The following CDH12 variants were observed in gnomAD, a reference collection of about 807,000 sequenced individuals.
CDH12 encodes the protein cadherin 12.
Under a neutral mutation model 74.1 loss-of-function variants are expected in CDH12, and 41 were observed. That is an observed-to-expected ratio of 0.55 (90% CI 0.43 to 0.72). The LOEUF is 0.72. Among genes scored for constraint, CDH12 ranks in the 30% least tolerant of loss-of-function variants. The pLI, the probability that CDH12 is intolerant of heterozygous loss-of-function variation, is 0.00. For synonymous variants in CDH12, 399 were observed against 355.0 expected (o/e 1.12, Z -1.39); for missense variants, 945 against 977.2 (o/e 0.97, Z 0.44).
chr5:21,799,198 AT>A (rs1746973882), intron 10 of CDH12, among the ~76,000 whole-genome samples: 1 of 152,172 alleles, frequency 6.6e-6, no homozygotes, highest in Non-Finnish European at 1.5e-5. Context: ...AGTTAGGTGG[AT>A]GGTGTTCATG....
intron 2 of CDH12, among the ~76,000 whole-genome samples, chr5:22,438,542 A>G (rs1196151335): frequency 6.6e-6 from 1 of 152,052 alleles, no homozygotes; most frequent in Admixed American, 6.6e-5. Flanking sequence ...ATATGGTACC[A>G]TTTGGCACAT....
At chr5:22,050,402 C>T (rs1740277167) in intron 5 of CDH12, among the ~76,000 whole-genome samples, 1 of 152,112 alleles carries the variant, frequency 6.6e-6, no homozygotes, top group South Asian at 2.1e-4. Context: ...TGACTGTGAG[C>T]TTCTTATCGT....
At chr5:22,437,647 A>G (rs1413913786) in intron 2 of CDH12, among the ~76,000 whole-genome samples, 1 of 151,862 alleles carries the variant, frequency 6.6e-6, no homozygotes, top group Non-Finnish European at 1.5e-5. Flanking sequence ...TATAAACATA[A>G]TGTGGGGCTT....
intron 1 of CDH12, among the ~76,000 whole-genome samples, chr5:22,577,652 A>G (rs920634342): frequency 5.3e-5 from 8 of 152,202 alleles, no homozygotes; most frequent in South Asian, 4.1e-4. Flanking sequence ...ATGAGATTGT[A>G]TCTTCAATTT....
intron 5 of CDH12, among the ~76,000 whole-genome samples, chr5:22,040,134 CAT>C (rs1217187141): frequency 3.3e-5 from 5 of 151,630 alleles, no homozygotes. Flanking sequence ...AAGAACTAAA[CAT>C]AAATCTTGAA....
chr5:22,412,003 G>A (rs1368735357), intron 2 of CDH12, among the ~76,000 whole-genome samples: 39 of 151,936 alleles, frequency 2.6e-4, no homozygotes, highest in Admixed American at 2.6e-3. Flanking sequence ...AAGTTAATGT[G>A]CAATGTGCTT....
chr5:22,585,738 A>G (rs1740363492), intron 1 of CDH12, among the ~76,000 whole-genome samples: 1 of 151,814 alleles, frequency 6.6e-6, no homozygotes, highest in South Asian at 2.1e-4. Context: ...TTAAAGTTTA[A>G]TTTTGTTATT....
intron 5 of CDH12, among the ~76,000 whole-genome samples, chr5:21,990,569 A>G (rs1012741195): frequency 2.0e-5 from 3 of 152,010 alleles, no homozygotes; most frequent in Non-Finnish European, 2.9e-5. Context: ...TAAGCCCAGT[A>G]TAGCAATATT....
intron 3 of CDH12, among the ~76,000 whole-genome samples, chr5:22,368,655 T>A (rs906299172): frequency 6.6e-6 from 1 of 152,192 alleles, no homozygotes. Context: ...TTAACATATA[T>A]CTATAGTAAT....
intron 3 of CDH12, among the ~76,000 whole-genome samples, chr5:22,293,372 GTGCTCATTTTCTTTGAGAC>G (rs1477770333): frequency 6.6e-6 from 1 of 151,982 alleles, no homozygotes; most frequent in East Asian, 1.9e-4. Flanking sequence ...CTTCATTTGA[GTGCTCATTTTCTTTGAGAC>G]TCTGAGCTCT....
At chr5:22,063,078 T>C (rs1741305328) in intron 5 of CDH12, among the ~76,000 whole-genome samples, 1 of 152,188 alleles carries the variant, frequency 6.6e-6, no homozygotes, top group African/African-American at 2.4e-5. Flanking sequence ...TGCATTTTTG[T>C]TGGATCCAAA....
intron 3 of CDH12, among the ~76,000 whole-genome samples, chr5:22,246,904 A>G (rs186983399): frequency 1.3e-4 from 20 of 152,296 alleles, no homozygotes; most frequent in Non-Finnish European, 2.4e-4. Context: ...TCAAATTTTC[A>G]ATTAACAAAG....
chr5:22,434,288 G>T (rs560837259), intron 2 of CDH12, among the ~76,000 whole-genome samples: 1 of 152,020 alleles, frequency 6.6e-6, no homozygotes, highest in Non-Finnish European at 1.5e-5. Context: ...ATTATAGTTT[G>T]GGTGTCTTAA....
chr5:22,406,112 T>C (rs1432573318), intron 2 of CDH12, among the ~76,000 whole-genome samples: 1 of 152,172 alleles, frequency 6.6e-6, no homozygotes, highest in African/African-American at 2.4e-5. Flanking sequence ...AATCCACAGA[T>C]ACAGAGGATA....
intron 1 of CDH12, among the ~76,000 whole-genome samples, chr5:22,738,169 G>T (rs1164227552): frequency 1.3e-5 from 2 of 151,944 alleles, no homozygotes; most frequent in African/African-American, 2.4e-5. Context: ...CTTGTCCAAG[G>T]TTATTAGCAG....
chr5:21,764,983 C>T lies in CDH12; in HGVS notation c.1510G>A (p.Gly504Arg), dbSNP rs1254452816. The part of the protein sequence containing the change: ...ETAVCENAKP[G>R]QIIQIVSAAD... ...GAACAATATTTATAAGATACCTGTC[C>T]TGGCTTGGCATTTTCACACACGGCT... Residue 504 changes from glycine to arginine, a missense_variant, in exon 12 of 15, where the codon GGA (glycine) becomes AGA (arginine). Gly to Arg is a moderately radical substitution (Grantham distance 125, BLOSUM62 -2). Transcript: ENST00000382254. The T allele has an allele frequency of 6.2e-7, 1 of 1,613,526 alleles. No homozygotes were observed. Among genetic ancestry groups the T allele is most frequent in the Non-Finnish European group, 8.5e-7 (1 of 1,179,780 alleles).
intron 6 of CDH12, among the ~76,000 whole-genome samples, chr5:21,892,231 T>A (rs543431909): frequency 6.6e-6 from 1 of 152,184 alleles, no homozygotes; most frequent in Non-Finnish European, 1.5e-5. Flanking sequence ...GTTTATTAAT[T>A]GATATGCAAT....
At chr5:22,121,686 T>A (rs1250331698) in intron 4 of CDH12, among the ~76,000 whole-genome samples, 1 of 152,140 alleles carries the variant, frequency 6.6e-6, no homozygotes, top group Non-Finnish European at 1.5e-5. Context: ...GTATACATAT[T>A]TTTGTGTATT....
At chr5:22,233,845 G>A (rs1365113305) in intron 3 of CDH12, among the ~76,000 whole-genome samples, 2 of 152,124 alleles carry the variant, frequency 1.3e-5, no homozygotes, top group African/African-American at 2.4e-5. Flanking sequence ...ACACTTTTAT[G>A]TCCCATAGTC....
Sources: gnomAD v4.1 joint callset for allele counts (sites outside exome capture counted in the v4.1 genomes callset) on GRCh38, gnomAD v4.1.1 for gene constraint, MANE v1.5 for transcripts, NCBI Gene and HGNC (gene_info 2026-07-23, HGNC 2026-07-21) for gene names.